The following SHROOM2 variants were observed in gnomAD, a reference collection of about 807,000 sequenced individuals.
SHROOM2 encodes shroom family member 2, also known as protein Shroom2.
In SHROOM2, 33 loss-of-function variants were observed where a neutral mutation model predicts 75.9. The ratio of observed to expected loss-of-function variants is 0.43; its 90% CI spans 0.33 to 0.58. SHROOM2 has a LOEUF of 0.58. SHROOM2 is among the 20% of genes least tolerant of loss of function. SHROOM2 has a pLI of 0.04. For missense variants in SHROOM2, 1,434 were observed against 1,461.2 expected (o/e 0.98, Z 0.30); for synonymous variants, 655 against 663.6 (o/e 0.99, Z 0.20).
intron 1 of SHROOM2, among the ~76,000 whole-genome samples, chrX:9,858,835 G>A (rs902795550): frequency 9.0e-6 from 1 of 111,553 alleles, no homozygotes; most frequent in Non-Finnish European, 1.9e-5. Flanking sequence ...GAGTGAGAAG[G>A]GGTGAGGATC....
chrX:9,908,704 C>A (rs918609110), intron 5 of SHROOM2, among the ~76,000 whole-genome samples: 2 of 110,630 alleles, frequency 1.8e-5, no homozygotes, highest in African/African-American at 6.6e-5. Context: ...TGCCTATAAT[C>A]CCAGCACTTT....
At chrX:9,847,517 A>G (rs1310373791) in intron 1 of SHROOM2, among the ~76,000 whole-genome samples, 1 of 112,091 alleles carries the variant, frequency 8.9e-6, no homozygotes, top group Non-Finnish European at 1.9e-5. Context: ...GGATGTCTGG[A>G]TAAGTTGAAC....
chrX:9,880,719 G>T (rs2084226979), intron 2 of SHROOM2, among the ~76,000 whole-genome samples: 1 of 111,090 alleles, frequency 9.0e-6, no homozygotes, highest in African/African-American at 3.3e-5. Context: ...ACAAAAGCCT[G>T]TTTTTTTTGT....
At chrX:9,937,823 T>A in intron 7 of SHROOM2, 138 bp downstream of exon 7, 1 of 563,373 alleles carries the variant, frequency 1.8e-6, no homozygotes, top group East Asian at 3.7e-5. Flanking sequence ...CCTCGATGCT[T>A]AGCACTTTTT....
intron 1 of SHROOM2, among the ~76,000 whole-genome samples, chrX:9,798,099 G>C (rs1213563458): frequency 9.0e-6 from 1 of 111,184 alleles, no homozygotes; most frequent in East Asian, 2.8e-4. Context: ...GCCTCGGGAG[G>C]AAGGTGGAGC....
At chrX:9,899,253 C>A (rs1276015000) in intron 5 of SHROOM2, among the ~76,000 whole-genome samples, 4 of 73,029 alleles carry the variant, frequency 5.5e-5, no homozygotes, top group Non-Finnish European at 1.3e-4. Flanking sequence ...CAGAGCGAGA[C>A]CCTGTCTCAA....
intron 1 of SHROOM2, among the ~76,000 whole-genome samples, chrX:9,807,839 A>C (rs2083763584): frequency 8.9e-6 from 1 of 111,871 alleles, no homozygotes; most frequent in South Asian, 3.8e-4. Flanking sequence ...CTAGGCTGCC[A>C]GGCTCCTGCT....
rs186138600 is a variant in SHROOM2, at chrX:9,800,401, C to T, written c.165+13691C>T. On this transcript the variant is annotated intron_variant, in intron 1 of 9. Transcript: ENST00000380913. ...TGTCACCCAGGCTGGGGTGCAGTGG[C>T]GTGATCTTGGCTCACTGCAACCTCC... is the stretch of plus-strand genomic sequence containing the variant. Among the ~76,000 whole-genome samples, 6 of 110,366 alleles carry T rather than the reference C, an allele frequency of 5.4e-5. No homozygotes were observed. In the East Asian group the frequency reaches 1.4e-3, roughly 26 times the overall value.
chrX:9,810,345 A>G (rs1210175681), intron 1 of SHROOM2, among the ~76,000 whole-genome samples: 1 of 111,157 alleles, frequency 9.0e-6, no homozygotes, highest in Non-Finnish European at 1.9e-5. Context: ...GGGCATGGTA[A>G]TACTAAGAGA....
At chrX:9,867,077 G>C (rs933546826) in intron 1 of SHROOM2, among the ~76,000 whole-genome samples, 1 of 111,120 alleles carries the variant, frequency 9.0e-6, no homozygotes, top group African/African-American at 3.3e-5. Flanking sequence ...GCCCTTATGG[G>C]ACTTCATTTG....
At chrX:9,828,127 A>G (rs1268911081) in intron 1 of SHROOM2, among the ~76,000 whole-genome samples, 3 of 112,933 alleles carry the variant, frequency 2.7e-5, no homozygotes, top group Non-Finnish European at 5.6e-5. Context: ...GAATACGCAC[A>G]TCTTACGTGG....
chrX:9,786,847 G>A, intron 1 of SHROOM2, 137 bp downstream of exon 1: 1 of 420,180 alleles, frequency 2.4e-6, no homozygotes, highest in Non-Finnish European at 3.2e-6. Flanking sequence ...GTCACCTGCC[G>A]GGCCTGGGCG....
intron 1 of SHROOM2, among the ~76,000 whole-genome samples, chrX:9,805,411 C>T (rs1363709416): frequency 3.6e-5 from 4 of 111,983 alleles, no homozygotes; most frequent in Non-Finnish European, 7.5e-5. Flanking sequence ...CCCAAAATTC[C>T]GGTGTTGAAA....
At position 9,940,741 on chromosome X, in the gene SHROOM2, G is replaced by A. The variant is rs778714523; in HGVS notation, c.4311+1375G>A. 5.3e-5 allele frequency among the ~76,000 whole-genome samples: 6 copies of A among 112,446 alleles called. No individual in the cohort carries two copies. In the South Asian group the frequency reaches 1.1e-3, roughly 20 times the overall value. On this transcript the variant is annotated intron_variant, in intron 8 of 9. Coordinates refer to ENST00000380913, the MANE Select transcript of SHROOM2 (RefSeq NM_001649.4). ...GCGGAGGCGTGTTCAGGGAGGAAGC[G>A]AGCATAGCGCAGATGGGGACTTAGC...
intron 1 of SHROOM2, among the ~76,000 whole-genome samples, chrX:9,809,302 G>A (rs1056860631): frequency 1.8e-5 from 2 of 111,218 alleles, no homozygotes; most frequent in African/African-American, 3.3e-5. Context: ...AAAGATGTAG[G>A]CTAGACCAGT....
chrX:9,921,921 A>G (rs771581890), intron 5 of SHROOM2, among the ~76,000 whole-genome samples: 1 of 112,089 alleles, frequency 8.9e-6, no homozygotes, highest in South Asian at 3.7e-4. Context: ...AACTATTCAC[A>G]ATAGTTCATG....
chrX:9,806,462 G>A (rs1266194240), intron 1 of SHROOM2, among the ~76,000 whole-genome samples: 1 of 107,814 alleles, frequency 9.3e-6, no homozygotes, highest in African/African-American at 3.4e-5. Context: ...TCTAGATTGT[G>A]TGTATATATA....
At position 9,942,830 on chromosome X, in the gene SHROOM2, C is replaced by T. The variant is rs1223599870; in HGVS notation, c.4312-1811C>T. ...AGACTACAATCCAGTCCTAACAGAC[C>T]GAGGAGAAAGCCACAAGGTCTGCCT... On this transcript the variant is annotated intron_variant, in intron 8 of 9. Coordinates refer to ENST00000380913, the MANE Select transcript of SHROOM2 (RefSeq NM_001649.4). 7.2e-5 allele frequency among the ~76,000 whole-genome samples: 8 copies of T among 111,066 alleles called. No homozygotes were observed. The Admixed American group carries it at 7.7e-4, about 11-fold the overall frequency.
At chrX:9,890,683 G>C (rs750119308) in intron 2 of SHROOM2, among the ~76,000 whole-genome samples, 2 of 111,691 alleles carry the variant, frequency 1.8e-5, no homozygotes, top group African/African-American at 6.5e-5. Flanking sequence ...CGTGCGCTGC[G>C]TGCGGTCCTC....
Sources: gnomAD v4.1 joint callset for allele counts (sites outside exome capture counted in the v4.1 genomes callset) on GRCh38, gnomAD v4.1.1 for gene constraint, MANE v1.5 for transcripts, NCBI Gene and HGNC (gene_info 2026-07-23, HGNC 2026-07-21) for gene names.